Variants in PTPN13 observed in about 807,000 individuals in gnomAD.
The protein encoded by PTPN13 is tyrosine-protein phosphatase non-receptor type 13.
PTPN13 carries 191 observed loss-of-function variants against 284.0 expected under a neutral mutation model. The observed-to-expected ratio is 0.67, with a 90% CI of 0.60 to 0.76. The LOEUF is 0.76. PTPN13 is among the 30% of genes least tolerant of loss of function. The pLI, the probability that PTPN13 is intolerant of heterozygous loss-of-function variation, is 0.00. For synonymous variants in PTPN13, 986 were observed against 1,022.3 expected (o/e 0.96, Z 0.68); for missense variants, 2,797 against 2,939.9 (o/e 0.95, Z 1.12).
At chr4:86,638,325 CTACTT>C (rs897945513) in intron 2 of PTPN13, among the ~76,000 whole-genome samples, 3 of 152,172 alleles carry the variant, frequency 2.0e-5, no homozygotes, top group African/African-American at 7.2e-5. Flanking sequence ...TAGGAAAAAA[CTACTT>C]TAAAGTTCAT....
chr4:86,770,813 T>A (rs548207937), intron 30 of PTPN13, among the ~76,000 whole-genome samples: 1 of 152,312 alleles, frequency 6.6e-6, no homozygotes, highest in South Asian at 2.1e-4. Flanking sequence ...GAAACAACTC[T>A]GTCCAATAAA....
intron 6 of PTPN13, among the ~76,000 whole-genome samples, chr4:86,699,677 G>A (rs1213110324): frequency 6.6e-6 from 1 of 152,144 alleles, no homozygotes; most frequent in Middle Eastern, 3.2e-3. Flanking sequence ...CTGCTTGTTT[G>A]GTAGTCAAGG....
intron 2 of PTPN13, among the ~76,000 whole-genome samples, chr4:86,662,350 T>G (rs999910496): frequency 1.3e-5 from 2 of 152,230 alleles, no homozygotes; most frequent in African/African-American, 4.8e-5. Context: ...TTTATTTATT[T>G]GAGACGGAGT....
intron 2 of PTPN13, among the ~76,000 whole-genome samples, chr4:86,663,708 AAATAGAGAAGAG>A (rs1425956979): frequency 5.9e-5 from 9 of 152,212 alleles, no homozygotes; most frequent in African/African-American, 2.2e-4. Context: ...TCCATATTAT[AAATAGAGAAGAG>A]CTATTTAGGT....
chr4:86,802,570 T>G lies in PTPN13; in HGVS notation c.6506-1139T>G, dbSNP rs114526525. ...AACTTCTGAACGTCAGTGAGGTATC[T>G]CCTTAAAAGCTGGGTGTGGGAGTGT... On this transcript the variant is annotated intron_variant, in intron 42 of 47. Coordinates refer to ENST00000411767, the MANE Select transcript of PTPN13 (RefSeq NM_080683.3). Among the ~76,000 whole-genome samples, 1,228 of 152,294 alleles carry G rather than the reference T, an allele frequency of 8.1e-3. 7 individuals are homozygous for G. The highest frequency in any genetic ancestry group is 0.017 in the Middle Eastern group (5 of 292).
At chr4:86,636,931 G>A (rs2148730354) in intron 2 of PTPN13, among the ~76,000 whole-genome samples, 1 of 151,484 alleles carries the variant, frequency 6.6e-6, no homozygotes, top group East Asian at 1.9e-4. Flanking sequence ...TAGACCGCTA[G>A]CAAGACTAAT....
intron 40 of PTPN13, among the ~76,000 whole-genome samples, chr4:86,789,930 G>A (rs1742427839): frequency 6.6e-6 from 1 of 150,488 alleles, no homozygotes; most frequent in South Asian, 2.1e-4. Context: ...GGGGACCCAA[G>A]CAGGTTGCCC....
chr4:86,651,536 T>C (rs1725075330), intron 2 of PTPN13, among the ~76,000 whole-genome samples: 1 of 152,182 alleles, frequency 6.6e-6, no homozygotes, highest in Non-Finnish European at 1.5e-5. Context: ...CCTTGATTTA[T>C]TGGAATCATT....
Position 86,758,268 on chromosome 4 carries a change from C to T in PTPN13, c.3232C>T (p.His1078Tyr). 6.2e-7 allele frequency: 1 copy of T among 1,605,080 alleles called. No homozygotes were observed. The highest frequency in any genetic ancestry group is 8.5e-7 in the Non-Finnish European group (1 of 1,173,688). The change falls in exon 21 of 48, where the codon CAC (histidine) becomes TAC (tyrosine). Residue 1078 changes from histidine to tyrosine, a missense_variant. Coordinates refer to ENST00000411767, the MANE Select transcript of PTPN13 (RefSeq NM_080683.3). ...TTATAAATTCCCAATAGATGTGCTA[C>T]ACAAAAGATGGAGCATAGTATCTTC... ...QVPLKENDVLHKRWSIVSSPE... is the reference protein window; with the variant it reads ...QVPLKENDVLYKRWSIVSSPE...
At chr4:86,659,211 T>TG (rs1726193860) in intron 2 of PTPN13, among the ~76,000 whole-genome samples, 1 of 152,174 alleles carries the variant, frequency 6.6e-6, no homozygotes, top group African/African-American at 2.4e-5. Flanking sequence ...TTCTGTATTT[T>TG]ATTTAATCCA....
At chr4:86,784,156 A>G (rs752836906) in intron 37 of PTPN13, among the ~76,000 whole-genome samples, 19 of 152,168 alleles carry the variant, frequency 1.2e-4, no homozygotes, top group Non-Finnish European at 1.3e-4. Flanking sequence ...TTTAAGAAGT[A>G]CTACATAATA....
intron 2 of PTPN13, among the ~76,000 whole-genome samples, chr4:86,667,942 A>C (rs931124517): frequency 6.6e-6 from 1 of 152,180 alleles, no homozygotes; most frequent in African/African-American, 2.4e-5. Context: ...TAAGGGGACA[A>C]TCTAAAGGAA....
intron 1 of PTPN13, among the ~76,000 whole-genome samples, chr4:86,630,249 G>C (rs967066589): frequency 6.6e-6 from 1 of 152,082 alleles, no homozygotes; most frequent in Non-Finnish European, 1.5e-5. Context: ...GTATCTGACT[G>C]ACAGAAAAAA....
At chr4:86,642,631 T>G in intron 2 of PTPN13, among the ~76,000 whole-genome samples, 1 of 151,800 alleles carries the variant, frequency 6.6e-6, no homozygotes, top group East Asian at 1.9e-4. Context: ...TTTTTTGTAT[T>G]TTTTGTAGAG....
At chr4:86,637,675 T>C in intron 2 of PTPN13, among the ~76,000 whole-genome samples, 1 of 149,762 alleles carries the variant, frequency 6.7e-6, no homozygotes, top group Non-Finnish European at 1.5e-5. Flanking sequence ...TGATGGGACA[T>C]ATCTCAAAAT....
chr4:86,688,930 C>A, intron 4 of PTPN13, 75 bp from the exon 5 acceptor site: 1 of 1,209,102 alleles, frequency 8.3e-7, no homozygotes, highest in Non-Finnish European at 1.2e-6. Flanking sequence ...TCCTGTGATT[C>A]CTAGAATGAT....
intron 1 of PTPN13, among the ~76,000 whole-genome samples, chr4:86,608,666 G>C (rs913917867): frequency 6.6e-6 from 1 of 152,098 alleles, no homozygotes; most frequent in Non-Finnish European, 1.5e-5. Flanking sequence ...GATGGTAAGT[G>C]GGAGAGCCAG....
chr4:86,638,031 A>G (rs1353422066), intron 2 of PTPN13, among the ~76,000 whole-genome samples: 1 of 152,118 alleles, frequency 6.6e-6, no homozygotes, highest in East Asian at 1.9e-4. Context: ...TTATACACCA[A>G]TAACAGACAA....
chr4:86,809,008 C>T (rs751116015), intron 45 of PTPN13, among the ~76,000 whole-genome samples: 2 of 152,008 alleles, frequency 1.3e-5, no homozygotes, highest in Non-Finnish European at 1.5e-5. Flanking sequence ...CCATTCCAGT[C>T]AGAAAGAGCC....
Sources: allele counts gnomAD v4.1 joint callset (sites outside exome capture counted in the v4.1 genomes callset), GRCh38; gene constraint gnomAD v4.1.1; transcripts MANE v1.5; gene names NCBI Gene and HGNC (gene_info 2026-07-23, HGNC 2026-07-21).